ENTREP1: variants seen among roughly 807,000 people sequenced by gnomAD.
ENTREP1 encodes the protein Friedreich ataxia region gene X123.
chr9:69,375,913 C>G, the ENTREP1 span: 1 of 1,563,250 alleles, frequency 6.4e-7, no homozygotes, highest in Non-Finnish European at 8.7e-7. Flanking sequence ...CACGGAGCCC[C>G]CAAAGAAGGC....
the ENTREP1 span, among the ~76,000 whole-genome samples, chr9:69,351,967 C>G: frequency 6.6e-6 from 1 of 152,106 alleles, no homozygotes; most frequent in Non-Finnish European, 1.5e-5. Flanking sequence ...TGCTTAGCAG[C>G]TGTTCTTGTG....
the ENTREP1 span, among the ~76,000 whole-genome samples, chr9:69,348,945 A>G: frequency 6.6e-6 from 1 of 151,994 alleles, no homozygotes; most frequent in African/African-American, 2.4e-5. Flanking sequence ...GCACTTTGGG[A>G]GGCTGAGGCG....
At chr9:69,374,917 AG>A in the ENTREP1 span, among the ~76,000 whole-genome samples, 4 of 152,238 alleles carry the variant, frequency 2.6e-5, no homozygotes, top group African/African-American at 9.6e-5. Context: ...TGCAAGGATC[AG>A]GAATAGGGGA....
At chr9:69,373,027 GTT>G in the ENTREP1 span, among the ~76,000 whole-genome samples, 1 of 52,056 alleles carries the variant, frequency 1.9e-5, no homozygotes, top group Non-Finnish European at 3.8e-5. Context: ...TTAAAATTGA[GTT>G]ATTTTTTTTT....
chr9:69,387,995 T>TGTTACA, the ENTREP1 span: 2 of 1,547,240 alleles, frequency 1.3e-6, no homozygotes, highest in African/African-American at 2.7e-5. Context: ...AATAACCTTG[T>TGTTACA]GTTGTTTTCC....
the ENTREP1 span, chr9:69,391,589 C>G: frequency 1.2e-6 from 2 of 1,613,356 alleles, no homozygotes; most frequent in Non-Finnish European, 1.7e-6. Flanking sequence ...CCACCCCTCT[C>G]TTTTCCCAAA....
chr9:69,349,290 A>C, the ENTREP1 span, among the ~76,000 whole-genome samples: 1 of 151,776 alleles, frequency 6.6e-6, no homozygotes, highest in East Asian at 1.9e-4. Context: ...TCTTGGGTAC[A>C]TGTCTAGGAG....
chr9:69,385,956 A>G, the ENTREP1 span: 1,022 of 1,593,988 alleles, frequency 6.4e-4, 7 homozygotes, highest in East Asian at 1.9e-3. Flanking sequence ...AGGTGATGTC[A>G]TTCCCCAAGC....
chr9:69,347,195 G>A, the ENTREP1 span, among the ~76,000 whole-genome samples: 1 of 152,216 alleles, frequency 6.6e-6, no homozygotes, highest in Non-Finnish European at 1.5e-5. Flanking sequence ...GCCATAGGAA[G>A]TGAGCAGACC....
chr9:69,334,849 T>C, the ENTREP1 span, among the ~76,000 whole-genome samples: 77 of 148,766 alleles, frequency 5.2e-4, no homozygotes, highest in African/African-American at 1.9e-3. Context: ...CGATCTCAGC[T>C]CACTGCAACC....
chr9:69,325,097 A>ACC, the ENTREP1 span: 3 of 985,034 alleles, frequency 3.0e-6, no homozygotes, highest in African/African-American at 5.2e-5. Flanking sequence ...CGGGAGGCGG[A>ACC]CCCGCCAGGC....
At chr9:69,325,153 G>C in the ENTREP1 span, 1 of 1,039,560 alleles carries the variant, frequency 9.6e-7, no homozygotes, top group Non-Finnish European at 1.2e-6. Flanking sequence ...GGCAGCGGCG[G>C]CAGCAAGTGG....
At chr9:69,366,317 A>G in the ENTREP1 span, among the ~76,000 whole-genome samples, 2 of 148,594 alleles carry the variant, frequency 1.3e-5, no homozygotes, top group South Asian at 2.1e-4. Context: ...AACCATTTGT[A>G]TATCTTCTTT....
the ENTREP1 span, chr9:69,336,244 C>G: frequency 6.3e-7 from 1 of 1,589,786 alleles, no homozygotes; most frequent in African/African-American, 1.3e-5. Flanking sequence ...GGATTAACAA[C>G]TTGGAAAAGG....
the ENTREP1 span, chr9:69,377,837 TTTC>T: frequency 7.2e-7 from 1 of 1,392,230 alleles, no homozygotes; most frequent in African/African-American, 1.4e-5. Context: ...AGATCTCACT[TTTC>T]TTTGAAAAAG....
chr9:69,371,379 C>T, the ENTREP1 span: 1 of 833,034 alleles, frequency 1.2e-6, no homozygotes, highest in Non-Finnish European at 2.1e-6. Flanking sequence ...AAACACGGTT[C>T]TGATCTTTTT....
At chr9:69,373,711 C>A in the ENTREP1 span, among the ~76,000 whole-genome samples, 1 of 152,044 alleles carries the variant, frequency 6.6e-6, no homozygotes, top group East Asian at 1.9e-4. Flanking sequence ...GGAGTAGGTT[C>A]CCAGGACAAG....
the ENTREP1 span, among the ~76,000 whole-genome samples, chr9:69,361,273 T>C: frequency 6.6e-6 from 1 of 152,348 alleles, no homozygotes; most frequent in South Asian, 2.1e-4. Flanking sequence ...TCCTTATGCC[T>C]CTTCTCAGTT....
chr9:69,347,115 C>A, the ENTREP1 span, among the ~76,000 whole-genome samples: 4 of 152,184 alleles, frequency 2.6e-5, no homozygotes, highest in Admixed American at 2.6e-4. Flanking sequence ...CATGAATATA[C>A]TTCTAGCTGA....
Sources: allele counts gnomAD v4.1 joint callset (sites outside exome capture counted in the v4.1 genomes callset), GRCh38; gene constraint gnomAD v4.1.1; transcripts MANE v1.5; gene names NCBI Gene and HGNC (gene_info 2026-07-23, HGNC 2026-07-21).